Variants in TAF4B observed in about 807,000 individuals in gnomAD.
The protein encoded by TAF4B is TATA-box binding protein associated factor 4b.
TAF4B carries 38 observed loss-of-function variants against 86.4 expected under a neutral mutation model. The observed-to-expected ratio is 0.44, with a 90% CI of 0.34 to 0.58. The LOEUF (loss-of-function observed/expected upper bound fraction) is 0.58. TAF4B is among the 20% of genes least tolerant of loss of function. The probability of loss-of-function intolerance (pLI) is 0.02; values close to 1 mark genes in which losing one functional copy is unlikely to be tolerated. For synonymous variants in TAF4B, 388 were observed against 391.2 expected (o/e 0.99, Z 0.10); for missense variants, 988 against 1,027.6 (o/e 0.96, Z 0.53).
intron 14 of TAF4B, among the ~76,000 whole-genome samples, chr18:26,383,970 A>T (rs924072470): frequency 5.3e-5 from 8 of 152,124 alleles, no homozygotes; most frequent in African/African-American, 1.9e-4. Context: ...ATAGATTTTC[A>T]GTGTTCTTGT....
At chr18:26,263,042 T>G (rs955587247) in intron 1 of TAF4B, among the ~76,000 whole-genome samples, 9 of 152,200 alleles carry the variant, frequency 5.9e-5, no homozygotes, top group African/African-American at 2.2e-4. Flanking sequence ...CCTTGAACTT[T>G]TGGGCTCAAG....
intron 12 of TAF4B, among the ~76,000 whole-genome samples, chr18:26,328,949 A>G (rs978863603): frequency 1.4e-4 from 21 of 151,530 alleles, no homozygotes; most frequent in African/African-American, 4.4e-4. Context: ...CTTTCTACAC[A>G]TACAATCATT....
At chr18:26,308,931 T>A (rs2852741) in intron 9 of TAF4B, among the ~76,000 whole-genome samples, 52,020 of 142,448 alleles carry the variant, frequency 0.37, 11,224 homozygotes, top group East Asian at 0.81. Flanking sequence ...AACATGAATA[T>A]AGGAAAGAGC....
intron 1 of TAF4B, among the ~76,000 whole-genome samples, chr18:26,262,203 T>TG (rs777210188): frequency 7.0e-6 from 1 of 142,538 alleles, no homozygotes; most frequent in Non-Finnish European, 1.5e-5. Flanking sequence ...GTAGCTGGGA[T>TG]GGGGGGTGAG....
At chr18:26,319,659 A>G (rs1217993000) in intron 10 of TAF4B, among the ~76,000 whole-genome samples, 1 of 151,978 alleles carries the variant, frequency 6.6e-6, no homozygotes, top group South Asian at 2.1e-4. Context: ...GTGCGATCTC[A>G]GCGCACTGCA....
At position 26,241,757 on chromosome 18, in the gene TAF4B, A is replaced by G. The variant is rs555268382; in HGVS notation, c.343+14481A>G. ...AATTTCCCTCTACACACTGCTTTAAATGTTCCCAGAGATTCTGGTATGTTG... is the reference window on the plus strand; with the variant it reads ...AATTTCCCTCTACACACTGCTTTAAGTGTTCCCAGAGATTCTGGTATGTTG... On this transcript the variant is annotated intron_variant, in intron 1 of 14. Coordinates refer to ENST00000269142, the MANE Select transcript of TAF4B (RefSeq NM_005640.3). 1.9e-3 allele frequency among the ~76,000 whole-genome samples: 282 copies of G among 152,300 alleles called. 1 individual carries two copies. Among genetic ancestry groups the G allele is most frequent in the Non-Finnish European group, 3.5e-3 (241 of 68,026 alleles).
intron 1 of TAF4B, among the ~76,000 whole-genome samples, chr18:26,228,860 TATC>T (rs773249448): frequency 3.3e-5 from 5 of 152,158 alleles, no homozygotes; most frequent in Non-Finnish European, 5.9e-5. Flanking sequence ...ATTGGGGCCT[TATC>T]ATGCTAAGCA....
chr18:26,315,349 T>A lies in TAF4B; in HGVS notation c.1953T>A (p.Asp651Glu), dbSNP rs777181010. 2 of 1,613,660 alleles carry A rather than the reference T, an allele frequency of 1.2e-6. No individual in the cohort carries two copies. The highest frequency in any genetic ancestry group is 2.2e-5 in the South Asian group (2 of 91,044). ...GCACACTCATTCAGTCATGTAAAGA[T>A]GAACCATTTCTTTTTATTGGAGCTC... is the stretch of plus-strand genomic sequence containing the variant. ...LVGTLIQSCK[D>E]EPFLFIGALQ... Residue 651 changes from aspartate to glutamate, a missense_variant, in exon 10 of 15, where the codon GAT becomes GAA. Transcript: ENST00000269142.
chr18:26,226,847 C>T lies in TAF4B; in HGVS notation c.-87C>T. The T allele has an allele frequency of 1.1e-5, 12 of 1,128,366 alleles. No homozygotes were observed. The highest frequency in any genetic ancestry group is 1.4e-5 in the Non-Finnish European group (12 of 866,682). The allele number at this position is 1,128,366 out of a possible 1,614,324, so 69.9% of individuals were successfully genotyped here. ...CAGCGATGCTGTGGAACCCGAACCG[C>T]ACCGGAGTCGGCTGCCGCGCGCCAA... is the stretch of plus-strand genomic sequence containing the variant. On this transcript the variant is annotated 5_prime_UTR_variant, in exon 1 of 15. Coordinates refer to ENST00000269142, the MANE Select transcript of TAF4B (RefSeq NM_005640.3).
At chr18:26,332,314 G>A (rs1042791009) in intron 12 of TAF4B, among the ~76,000 whole-genome samples, 2 of 152,102 alleles carry the variant, frequency 1.3e-5, no homozygotes, top group African/African-American at 4.8e-5. Flanking sequence ...GCTAGTCCAC[G>A]CTTCCCTTAT....
intron 14 of TAF4B, among the ~76,000 whole-genome samples, chr18:26,381,684 G>A (rs112617862): frequency 0.077 from 11,638 of 151,656 alleles, 557 homozygotes; most frequent in Non-Finnish European, 0.1. Flanking sequence ...CCGAGATTGC[G>A]CCATTGCACT....
At chr18:26,315,161 T>TCTCTCTCA (rs1282068871) in intron 9 of TAF4B, 68 bp from the exon 10 acceptor site, 2,793 of 222,320 alleles carry the variant, frequency 0.013, 84 homozygotes, top group East Asian at 0.044. Flanking sequence ...TCTCTCTCTC[T>TCTCTCTCA]CACACACACA....
chr18:26,280,056 A>T (rs1021834826), intron 5 of TAF4B, among the ~76,000 whole-genome samples: 4 of 151,840 alleles, frequency 2.6e-5, no homozygotes, highest in Admixed American at 6.6e-5. Flanking sequence ...AAAAAAAAAA[A>T]AGTAGTGGGG....
chr18:26,275,435 C>T lies in TAF4B; in HGVS notation c.882+382C>T, dbSNP rs191334781. On this transcript the variant is annotated intron_variant, in intron 5 of 14. Transcript: ENST00000269142. ...CCTCCCAAAGCGTTGGGATTACAGG[C>T]GTGAACCACCAAGCCCGGCCTGAGA... Among the ~76,000 whole-genome samples, 231 of 152,236 alleles carry T rather than the reference C, an allele frequency of 1.5e-3. 1 individual carries two copies. Among genetic ancestry groups the T allele is most frequent in the Non-Finnish European group, 2.6e-3 (174 of 68,024 alleles).
At chr18:26,264,824 G>T (rs768930457) in intron 1 of TAF4B, among the ~76,000 whole-genome samples, 1 of 152,178 alleles carries the variant, frequency 6.6e-6, no homozygotes, top group Non-Finnish European at 1.5e-5. Flanking sequence ...ATCTGCATGA[G>T]TTGATTTGGG....
intron 9 of TAF4B, among the ~76,000 whole-genome samples, chr18:26,295,006 A>G (rs1372918101): frequency 6.7e-6 from 1 of 149,694 alleles, no homozygotes; most frequent in Non-Finnish European, 1.5e-5. Context: ...CAGGAAATGA[A>G]TAAACATGCC....
chr18:26,271,556 C>G (rs1287993043), intron 3 of TAF4B, among the ~76,000 whole-genome samples: 1 of 152,190 alleles, frequency 6.6e-6, no homozygotes, highest in East Asian at 1.9e-4. Context: ...CCTAGTCAGT[C>G]AGTGCAGCCT....
chr18:26,266,377 G>T (rs2056239905), intron 2 of TAF4B, among the ~76,000 whole-genome samples: 1 of 152,040 alleles, frequency 6.6e-6, no homozygotes, highest in Non-Finnish European at 1.5e-5. Context: ...CTCCCAAAGT[G>T]CTGGGATTAC....
chr18:26,315,225 T>G lies in TAF4B; in HGVS notation c.1833-4T>G. On this transcript the variant is annotated splice_region_variant and splice_polypyrimidine_tract_variant and intron_variant, in intron 9 of 14. Transcript: ENST00000269142. Reference sequence around the variant, plus strand: ...AATGTATAACTTTTTTTTTTTTCTATTAGAGATGAGGATGACATCAATGAT... The same window carrying G: ...AATGTATAACTTTTTTTTTTTTCTAGTAGAGATGAGGATGACATCAATGAT... 6.3e-7 allele frequency: 1 copy of G among 1,585,444 alleles called. No homozygotes were observed. Among genetic ancestry groups the G allele is most frequent in the South Asian group, 1.1e-5 (1 of 88,604 alleles).
Sources: allele counts gnomAD v4.1 joint callset (sites outside exome capture counted in the v4.1 genomes callset), GRCh38; gene constraint gnomAD v4.1.1; transcripts MANE v1.5; gene names NCBI Gene and HGNC (gene_info 2026-07-23, HGNC 2026-07-21).